Variants in KCNQ1OT1 observed in about 807,000 individuals in gnomAD.
KCNQ1OT1 encodes the protein KCNQ1 antisense RNA 2 (non-protein coding).
At position 2,663,304 on chromosome 11, in the gene KCNQ1OT1, T is replaced by G; in HGVS notation, n.36691A>C. 1 of 398,764 alleles carries G rather than the reference T, an allele frequency of 2.5e-6. No homozygotes were observed. Among genetic ancestry groups the G allele is most frequent in the Non-Finnish European group, 4.4e-6 (1 of 226,198 alleles). 24.7% of individuals were successfully genotyped at this position (398,764 alleles called of 1,614,324 possible). On this transcript the variant is annotated non_coding_transcript_exon_variant, in exon 1 of 1. Coordinates refer to ENST00000597346, the Ensembl canonical transcript of KCNQ1OT1. The surrounding 1 kb of genome is among the most constrained non-coding windows in gnomAD (Gnocchi z 5.2). ...GGGCTCTGAGCTTCTGGGCCCCTCC[T>G]GGCTGGGTAAAAAGGCAGGAGCAGA...
chr11:2,643,827 T>C, exon 1 of KCNQ1OT1: 1 of 398,614 alleles, frequency 2.5e-6, no homozygotes, highest in Non-Finnish European at 4.4e-6. Context: ...AAATACTTTA[T>C]TTCTCCTTCA....
At chr11:2,649,729 C>A (rs1319391016) in exon 1 of KCNQ1OT1, 2 of 398,268 alleles carry the variant, frequency 5.0e-6, no homozygotes, top group African/African-American at 4.1e-5. Flanking sequence ...TTTTTAAATT[C>A]TCTCTTTGAT....
chr11:2,685,109 C>T (rs562485602), exon 1 of KCNQ1OT1: 112 of 398,590 alleles, frequency 2.8e-4, no homozygotes, highest in Admixed American at 7.0e-4. Context: ...CCTTTTGGCA[C>T]GGGGGGTCTG....
chr11:2,661,942 C>G lies in KCNQ1OT1; in HGVS notation n.38053G>C. On this transcript the variant is annotated non_coding_transcript_exon_variant, in exon 1 of 1. Coordinates refer to ENST00000597346, the Ensembl canonical transcript of KCNQ1OT1. This position sits in a 1 kb window ranked among gnomAD's most constrained non-coding sequence, Gnocchi z 5.9. ...TTGGGTGGGAGGCCTAACGTGCTGT[C>G]CCCACACTTTCTCCTCAGTAAGGAA... 2.5e-6 allele frequency: 4 copies of G among 1,614,120 alleles called. No homozygotes were observed. Among genetic ancestry groups the G allele is most frequent in the Non-Finnish European group, 3.4e-6 (4 of 1,180,030 alleles).
In KCNQ1OT1 at chr11:2,653,914, C is replaced by T; in HGVS notation, n.46081G>A. On this transcript the variant is annotated non_coding_transcript_exon_variant, in exon 1 of 1. Transcript: ENST00000597346. The surrounding 1 kb of genome is among the most constrained non-coding windows in gnomAD (Gnocchi z 5.3). ...CCTAAGGAAGATTTGAGAAGCTGTT[C>T]CCAGAAGCCAGGCCTGGCTGCTGGC... The T allele has an allele frequency of 2.5e-6, 1 of 398,702 alleles. No homozygotes were observed. Among genetic ancestry groups the T allele is most frequent in the Admixed American group, 4.4e-5 (1 of 22,744 alleles). 24.7% of individuals were successfully genotyped at this position (398,702 alleles called of 1,614,324 possible).
rs973632489 is a variant in KCNQ1OT1 at position 2,658,946 on chromosome 11, G to A, written n.41049C>T. The A allele has an allele frequency of 1.3e-5, 5 of 398,276 alleles. No individual in the cohort carries two copies. Among genetic ancestry groups the A allele is most frequent in the African/African-American group, 1.0e-4 (5 of 48,544 alleles). 24.7% of individuals were successfully genotyped at this position (398,276 alleles called of 1,614,324 possible). On this transcript the variant is annotated non_coding_transcript_exon_variant, in exon 1 of 1. Transcript: ENST00000597346. The surrounding 1 kb of genome is among the most constrained non-coding windows in gnomAD (Gnocchi z 4.9). ...TTACCTACTAGATTAGAGTGTTTAGGACAGACTTTTGCTTTAACCATAGAG... is the reference window on the plus strand; with the variant it reads ...TTACCTACTAGATTAGAGTGTTTAGAACAGACTTTTGCTTTAACCATAGAG...
Position 2,612,498 on chromosome 11 carries a change from T to C in KCNQ1OT1, n.87497A>G, listed in dbSNP as rs767210256. The C allele has an allele frequency of 1.0e-5, 4 of 398,160 alleles. No individual in the cohort carries two copies. The highest frequency in any genetic ancestry group is 1.3e-5 in the Non-Finnish European group (3 of 226,050). 24.7% of individuals were successfully genotyped at this position (398,160 alleles called of 1,614,324 possible). ...TGGATCTGCGTTGAAGTTCATTGAT[T>C]CTTTCTTCTGCCAGGTCAAATTTGC... On this transcript the variant is annotated non_coding_transcript_exon_variant, in exon 1 of 1. Transcript: ENST00000597346. This position sits in a 1 kb window ranked among gnomAD's most constrained non-coding sequence, Gnocchi z 5.5.
Position 2,678,705 on chromosome 11 carries a change from A to C in KCNQ1OT1, n.21290T>G. 2.5e-6 allele frequency: 1 copy of C among 398,620 alleles called. No homozygotes were observed. Among genetic ancestry groups the C allele is most frequent in the Non-Finnish European group, 4.4e-6 (1 of 226,050 alleles). The allele number at this position is 398,620 out of a possible 1,614,324, so 24.7% of individuals were successfully genotyped here. A position where few individuals can be genotyped will look rare whatever the true frequency, so the allele number is the denominator to read the frequency against. On this transcript the variant is annotated non_coding_transcript_exon_variant, in exon 1 of 1. Coordinates refer to ENST00000597346, the Ensembl canonical transcript of KCNQ1OT1. The surrounding 1 kb of genome is among the most constrained non-coding windows in gnomAD (Gnocchi z 4.9). ...CATGGCCTAAGATCTAAACACTCTTAAGATTTAAACACAGGATTAGCTCTT... is the reference window on the plus strand; with the variant it reads ...CATGGCCTAAGATCTAAACACTCTTCAGATTTAAACACAGGATTAGCTCTT...
In KCNQ1OT1 at chr11:2,654,647, TGAGGGCA is replaced by T. The variant is rs1218155906; in HGVS notation, n.45341_45347del. ...GGCCCAGACACTGGCGAGAGTCTCT[TGAGGGCA>T]GAGGGCAGCAGAGATGGGCTGGAGC... On this transcript the variant is annotated non_coding_transcript_exon_variant, in exon 1 of 1. Transcript: ENST00000597346. The surrounding 1 kb of genome is among the most constrained non-coding windows in gnomAD (Gnocchi z 6.4). 1 of 398,672 alleles carries T rather than the reference TGAGGGCA, an allele frequency of 2.5e-6. No homozygotes were observed. The highest frequency in any genetic ancestry group is 4.4e-6 in the Non-Finnish European group (1 of 226,304). 24.7% of individuals were successfully genotyped at this position (398,672 alleles called of 1,614,324 possible).
Position 2,685,563 on chromosome 11 carries a change from T to G in KCNQ1OT1, n.14432A>C, listed in dbSNP as rs564148414. 14 of 398,702 alleles carry G rather than the reference T, an allele frequency of 3.5e-5. No homozygotes were observed. The South Asian group carries it at 1.8e-3, about 51-fold the overall frequency. The allele number at this position is 398,702 out of a possible 1,614,324, so 24.7% of individuals were successfully genotyped here. Reference sequence around the variant, plus strand: ...GAGGATCTGCAGATGACTACAGCTCTTGGCCCTTCCATACAGCACATGACA... The same window carrying G: ...GAGGATCTGCAGATGACTACAGCTCGTGGCCCTTCCATACAGCACATGACA... On this transcript the variant is annotated non_coding_transcript_exon_variant, in exon 1 of 1. Transcript: ENST00000597346.
exon 1 of KCNQ1OT1, chr11:2,692,825 A>G (rs1850610190): frequency 5.0e-6 from 2 of 398,534 alleles, no homozygotes; most frequent in South Asian, 1.3e-4. Flanking sequence ...TGAGGCAATG[A>G]TCATTCCCCT....
At chr11:2,684,706 G>A (rs1024459800) in exon 1 of KCNQ1OT1, 95 of 398,610 alleles carry the variant, frequency 2.4e-4, no homozygotes, top group African/African-American at 6.6e-4. Flanking sequence ...TTGCTCAGGC[G>A]GAGGGGCCTG....
At chr11:2,641,313 T>C (rs1195381944) in exon 1 of KCNQ1OT1, 2 of 398,334 alleles carry the variant, frequency 5.0e-6, no homozygotes, top group Non-Finnish European at 8.9e-6. Flanking sequence ...CTCTCCAGCA[T>C]TGGTTAATTT....
At chr11:2,616,000 T>C (rs374718589) in exon 1 of KCNQ1OT1, 7 of 398,194 alleles carry the variant, frequency 1.8e-5, no homozygotes, top group South Asian at 1.3e-4. Context: ...ATTTTCTTCA[T>C]TGGAAGGTTT....
rs76182938 is a variant in KCNQ1OT1 at position 2,642,334 on chromosome 11, G to A, written n.57661C>T. The A allele has an allele frequency of 0.014, 5,537 of 398,082 alleles. 154 individuals carry two copies. The highest frequency in any genetic ancestry group is 0.078 in the East Asian group (2,197 of 28,018). The allele number at this position is 398,082 out of a possible 1,614,324, so 24.7% of individuals were successfully genotyped here. A position where few individuals can be genotyped will look rare whatever the true frequency, so the allele number is the denominator to read the frequency against. On this transcript the variant is annotated non_coding_transcript_exon_variant, in exon 1 of 1. Transcript: ENST00000597346. This position sits in a 1 kb window ranked among gnomAD's most constrained non-coding sequence, Gnocchi z 4.3. ...CTTGTTAGAGGTTTCTCACCTCTTT[G>A]GTTAAACTCATTCCTAGATTTTTTG...
chr11:2,664,605 C>T lies in KCNQ1OT1; in HGVS notation n.35390G>A. On this transcript the variant is annotated non_coding_transcript_exon_variant, in exon 1 of 1. Transcript: ENST00000597346. The surrounding 1 kb of genome is among the most constrained non-coding windows in gnomAD (Gnocchi z 5.1). ...GGGCTGCATTCCTCCACCTCCTGCA[C>T]AGCCCGCCCAGTGATGCCCATAATT... is the stretch of plus-strand genomic sequence containing the variant. 5.0e-6 allele frequency: 2 copies of T among 398,704 alleles called. No individual in the cohort carries two copies. The highest frequency in any genetic ancestry group is 3.6e-5 in the East Asian group (1 of 28,050). 24.7% of individuals were successfully genotyped at this position (398,704 alleles called of 1,614,324 possible).
In KCNQ1OT1 at chr11:2,674,987, G is replaced by A. The variant is rs1009538910; in HGVS notation, n.25008C>T. The A allele has an allele frequency of 1.8e-5, 7 of 398,430 alleles. No homozygotes were observed. Among genetic ancestry groups the A allele is most frequent in the East Asian group, 7.1e-5 (2 of 28,088 alleles). The allele number at this position is 398,430 out of a possible 1,614,324, so 24.7% of individuals were successfully genotyped here. A position where few individuals can be genotyped will look rare whatever the true frequency, so the allele number is the denominator to read the frequency against. The stretch of plus-strand genomic sequence containing the variant: ...TCTCTTCGTTTCCTCTTACAGTGGC[G>A]GGCACTCAGCCGGCTTCTTCCCGCC... On this transcript the variant is annotated non_coding_transcript_exon_variant, in exon 1 of 1. Coordinates refer to ENST00000597346, the Ensembl canonical transcript of KCNQ1OT1. This position sits in a 1 kb window ranked among gnomAD's most constrained non-coding sequence, Gnocchi z 5.9.
chr11:2,678,293 C>T lies in KCNQ1OT1; in HGVS notation n.21702G>A. On this transcript the variant is annotated non_coding_transcript_exon_variant, in exon 1 of 1. Transcript: ENST00000597346. This position sits in a 1 kb window ranked among gnomAD's most constrained non-coding sequence, Gnocchi z 4.9. ...CTGAAATTGTTTTAATAAATTCTTC[C>T]ATGTTTTCTTCTATCATTTTTTATT... 2.5e-6 allele frequency: 1 copy of T among 398,264 alleles called. No individual in the cohort carries two copies. Among genetic ancestry groups the T allele is most frequent in the Non-Finnish European group, 4.4e-6 (1 of 225,976 alleles). 24.7% of individuals were successfully genotyped at this position (398,264 alleles called of 1,614,324 possible).
chr11:2,696,393 A>G, exon 1 of KCNQ1OT1: 1 of 398,584 alleles, frequency 2.5e-6, no homozygotes, highest in Admixed American at 4.4e-5. Context: ...CCTTTATCAC[A>G]TGTCCCCTTC....
Sources: gnomAD v4.1 joint callset for allele counts on GRCh38, gnomAD v4.1.1 for gene constraint, Gnocchi (gnomAD v3.1) non-coding constraint, MANE v1.5 for transcripts, NCBI Gene and HGNC (gene_info 2026-07-23, HGNC 2026-07-21) for gene names.